The following ACAA2 variants were observed in gnomAD, a reference collection of about 807,000 sequenced individuals.
The protein encoded by ACAA2 is 3-ketoacyl-CoA thiolase, mitochondrial.
A neutral mutation model predicts 44.8 loss-of-function variants in ACAA2; 35 were observed. The ratio of observed to expected loss-of-function variants is 0.78; its 90% confidence interval spans 0.60 to 1.04. The LOEUF (loss-of-function observed/expected upper bound fraction) is 1.04, where lower values mean the gene tolerates loss of function less well. Ranked by LOEUF, ACAA2 falls within the 50% of genes least tolerant of loss-of-function variation. The pLI, the probability that ACAA2 is intolerant of heterozygous loss-of-function variation, is 0.00. For synonymous variants in ACAA2, 142 were observed against 166.5 expected, an observed-to-expected ratio of 0.85 and a Z score of 1.13; for missense variants, 468 against 482.6, an observed-to-expected ratio of 0.97 and a Z score of 0.28.
intron 4 of ACAA2, among the ~76,000 whole-genome samples, chr18:49,795,294 G>C (rs189281583): frequency 1.3e-5 from 2 of 152,114 alleles, no homozygotes; most frequent in African/African-American, 2.4e-5. Context: ...GTTTTTGTTT[G>C]ATTTGGGACA....
At chr18:49,802,986 T>C (rs543332200) in intron 1 of ACAA2, 133 bp from the exon 2 acceptor site, 1 of 1,026,468 alleles carries the variant, frequency 9.7e-7, no homozygotes, top group Non-Finnish European at 1.5e-6. Flanking sequence ...CAATAATACC[T>C]AGAACAAGTC....
At chr18:49,787,146 CT>C in intron 8 of ACAA2, 144 bp downstream of exon 8, 1 of 542,146 alleles carries the variant, frequency 1.8e-6, no homozygotes. Context: ...AATGAAGGTA[CT>C]ATTTATTTAG....
chr18:49,802,742 G>C lies in ACAA2; in HGVS notation c.128C>G (p.Ala43Gly), dbSNP rs1249942495. 1.2e-6 allele frequency: 2 copies of C among 1,614,132 alleles called. No individual in the cohort carries two copies. Among genetic ancestry groups the C allele is most frequent in the East Asian group, 4.5e-5 (2 of 44,886 alleles). Residue 43 changes from alanine (A) to glycine (G), a missense_variant, in exon 2 of 10, where the codon GCT (alanine) becomes GGT (glycine). Ala to Gly is a moderately conservative substitution (Grantham distance 60). Coordinates refer to ENST00000285093, the MANE Select transcript of ACAA2 (RefSeq NM_006111.3). ...AACTGTTTCAGGTGAGACTTTGCCA[G>C]CAGACAAGGCAGCCTTGGCAGCAAA... The part of the protein sequence containing the change: ...SEFAAKAALS[A>G]GKVSPETVDS...
chr18:49,813,373 A>G (rs2143989756), intron 1 of ACAA2, 96 bp downstream of exon 1: 1 of 1,022,756 alleles, frequency 9.8e-7, no homozygotes, highest in East Asian at 3.3e-5. Flanking sequence ...ACTTCACCCC[A>G]CGACCCCGAC....
chr18:49,803,239 A>AAAAAATAAT (rs1555790916), intron 1 of ACAA2, among the ~76,000 whole-genome samples: 7 of 142,402 alleles, frequency 4.9e-5, no homozygotes, highest in Non-Finnish European at 7.6e-5. Flanking sequence ...CTGGTAGTTA[A>AAAAAATAAT]AATAATAATA....
At chr18:49,799,609 G>C (rs1598798327) in intron 2 of ACAA2, among the ~76,000 whole-genome samples, 1 of 152,108 alleles carries the variant, frequency 6.6e-6, no homozygotes, top group South Asian at 2.1e-4. Context: ...CCAAAGTGCC[G>C]AGATTGCAGC....
chr18:49,784,966 C>A (rs559595547), intron 9 of ACAA2, among the ~76,000 whole-genome samples: 33 of 152,260 alleles, frequency 2.2e-4, no homozygotes, highest in African/African-American at 7.5e-4. Flanking sequence ...TGCACAGAGA[C>A]TGGACACACA....
At chr18:49,810,918 A>G (rs1314086667) in intron 1 of ACAA2, among the ~76,000 whole-genome samples, 1 of 151,084 alleles carries the variant, frequency 6.6e-6, no homozygotes, top group East Asian at 1.9e-4. Flanking sequence ...TTATTATTTT[A>G]AATCTTCATT....
chr18:49,796,139 T>C (rs772570107), intron 3 of ACAA2, among the ~76,000 whole-genome samples: 93 of 152,304 alleles, frequency 6.1e-4, no homozygotes, highest in Middle Eastern at 3.4e-3. Context: ...TGGCTAAGAA[T>C]AGTAATTCTT....
intron 2 of ACAA2, among the ~76,000 whole-genome samples, chr18:49,800,166 G>A (rs1666234868): frequency 3.1e-5 from 1 of 31,800 alleles, no homozygotes; most frequent in Non-Finnish European, 7.0e-5. Context: ...ACCCCGTCTG[G>A]GAGGGAGGTG....
chr18:49,805,816 C>T (rs1420794288), intron 1 of ACAA2, among the ~76,000 whole-genome samples: 1 of 151,306 alleles, frequency 6.6e-6, no homozygotes, highest in Non-Finnish European at 1.5e-5. Flanking sequence ...GTCTCGAACT[C>T]CTGGGCTCAA....
chr18:49,794,856 C>T (rs1257805518), intron 4 of ACAA2, among the ~76,000 whole-genome samples: 2 of 152,174 alleles, frequency 1.3e-5, no homozygotes, highest in African/African-American at 2.4e-5. Context: ...TTTTCTTTTT[C>T]ATCCTGCGCC....
At chr18:49,794,533 T>C (rs2023442945) in intron 4 of ACAA2, 106 bp from the exon 5 acceptor site, 6 of 952,434 alleles carry the variant, frequency 6.3e-6, no homozygotes, top group Non-Finnish European at 8.5e-6. Flanking sequence ...AAAAGTAAAA[T>C]TAAGACTTTC....
rs1275001833 is a variant in ACAA2, at chr18:49,803,114, C to T, written c.17-261G>A. 4.6e-5 allele frequency among the ~76,000 whole-genome samples: 7 copies of T among 151,900 alleles called. No homozygotes were observed. The East Asian group carries it at 7.7e-4, about 17-fold the overall frequency. ...AGGAAGAAGACCACCACTTCTCCTG[C>T]GCACCCCGCCCCCCTTGCCTAGTTT... On this transcript the variant is annotated intron_variant, in intron 1 of 9. Coordinates refer to ENST00000285093, the MANE Select transcript of ACAA2 (RefSeq NM_006111.3).
chr18:49,807,220 T>TC (rs1678936240), intron 1 of ACAA2, among the ~76,000 whole-genome samples: 1 of 151,868 alleles, frequency 6.6e-6, no homozygotes, highest in Non-Finnish European at 1.5e-5. Flanking sequence ...CATAGCGAGA[T>TC]CCCCATCTCT....
At chr18:49,800,057 G>A (rs188524751) in intron 2 of ACAA2, among the ~76,000 whole-genome samples, 3,372 of 151,396 alleles carry the variant, frequency 0.022, 160 homozygotes, top group African/African-American at 0.075. Context: ...GTCTCCGCCC[G>A]GCAACCACGC....
At chr18:49,802,976 C>A in intron 1 of ACAA2, 123 bp from the exon 2 acceptor site, 1 of 1,123,708 alleles carries the variant, frequency 8.9e-7, no homozygotes. Context: ...TTCTGTTAGG[C>A]AATAATACCT....
intron 7 of ACAA2, among the ~76,000 whole-genome samples, chr18:49,790,176 G>C (rs1395725076): frequency 6.6e-6 from 1 of 152,190 alleles, no homozygotes; most frequent in Non-Finnish European, 1.5e-5. Context: ...ATAGTGGATA[G>C]CCAAAAGCTA....
intron 1 of ACAA2, among the ~76,000 whole-genome samples, chr18:49,809,312 C>T (rs1465829339): frequency 2.0e-5 from 3 of 152,148 alleles, no homozygotes; most frequent in African/African-American, 2.4e-5. Flanking sequence ...CCTGAGGTGA[C>T]GTACATCCTC....
Sources: gnomAD v4.1 joint callset for allele counts (sites outside exome capture counted in the v4.1 genomes callset) on GRCh38, gnomAD v4.1.1 for gene constraint, MANE v1.5 for transcripts, NCBI Gene and HGNC (gene_info 2026-07-23, HGNC 2026-07-21) for gene names.